Variants in HRC observed in about 807,000 individuals in gnomAD.
The protein encoded by HRC is histidine rich calcium binding protein, also known as sarcoplasmic reticulum histidine-rich calcium-binding protein.
Under a neutral mutation model 61.4 loss-of-function variants are expected in HRC, and 41 were observed. The ratio of observed to expected loss-of-function variants is 0.67; its 90% CI spans 0.52 to 0.87. HRC has a LOEUF of 0.87. HRC is among the 40% of genes least tolerant of loss of function. The pLI is 0.00. For missense variants in HRC, 839 were observed against 885.8 expected (o/e 0.95, Z 0.67); for synonymous variants, 308 against 326.6 (o/e 0.94, Z 0.62).
chr19:49,152,243 G>A, intron 3 of HRC, 67 bp downstream of exon 3: 5 of 1,441,388 alleles, frequency 3.5e-6, no homozygotes, highest in South Asian at 2.3e-5. Flanking sequence ...TTAGGGCTGG[G>A]GGTCCTCAGA....
chr19:49,152,413 C>CT, intron 2 of HRC, 35 bp from the exon 3 acceptor site: 2 of 1,593,256 alleles, frequency 1.3e-6, no homozygotes, highest in Non-Finnish European at 8.6e-7. Context: ...GATGGAAACT[C>CT]TAACGCCACT....
At position 49,153,001 on chromosome 19, in the gene HRC, G is replaced by A. The variant is rs531340062; in HGVS notation, c.1902+260C>T. Among the ~76,000 whole-genome samples, 4 of 151,724 alleles carry A rather than the reference G, an allele frequency of 2.6e-5. No individual in the cohort carries two copies. The highest frequency in any genetic ancestry group is 2.1e-4 in the South Asian group (1 of 4,798). ...CCCCTGTGCCATCCCTCCTTCCCCC[G>A]ACTCTCTTTGCCACAGACCCCTGTC... On this transcript the variant is annotated intron_variant, in intron 2 of 5. Coordinates refer to ENST00000252825, the MANE Select transcript of HRC (RefSeq NM_002152.3). The surrounding 1 kb of genome is among the most constrained non-coding windows in gnomAD (Gnocchi z 4.8).
chr19:49,152,592 C>T (rs1016132324), intron 2 of HRC, among the ~76,000 whole-genome samples: 1 of 146,528 alleles, frequency 6.8e-6, no homozygotes, highest in South Asian at 2.2e-4. Context: ...TTTCTTGAGG[C>T]GGAGTCTCTC....
In HRC at chr19:49,155,363, G is replaced by T; in HGVS notation, c.-126C>A. 1 of 1,330,802 alleles carries T rather than the reference G, an allele frequency of 7.5e-7. No homozygotes were observed. The highest frequency in any genetic ancestry group is 9.9e-7 in the Non-Finnish European group (1 of 1,005,922). 82.4% of individuals were successfully genotyped at this position (1,330,802 alleles called of 1,614,324 possible). On this transcript the variant is annotated 5_prime_UTR_variant, in exon 1 of 6. Transcript: ENST00000252825. The surrounding 1 kb of genome is among the most constrained non-coding windows in gnomAD (Gnocchi z 4.7). ...TCTCTCCTTTGTCCTTTCGGTCTCT[G>T]TCCACCTTCCTCTGGTCCTTGCTGC...
rs2122690314 is a variant in HRC at position 49,154,158 on chromosome 19, T to G, written c.1080A>C (p.Glu360Asp). 1 of 1,614,130 alleles carries G rather than the reference T, an allele frequency of 6.2e-7. No individual in the cohort carries two copies. Among genetic ancestry groups the G allele is most frequent in the East Asian group, 2.2e-5 (1 of 44,882 alleles). ...DEEEDEDVST[E>D]RWHQGPQHVH... ...CATGTTGGGGACCCTGGTGCCAACG[T>G]TCAGTGGACACATCCTCATCTTCTT... Residue 360 changes from glutamate (E) to aspartate (D), a missense_variant, in exon 1 of 6, where the codon GAA becomes GAC. Glu to Asp is a conservative substitution (Grantham distance 45). Transcript: ENST00000252825.
rs369298815 is a variant in HRC, at chr19:49,153,602, C to T, written c.1636G>A (p.Glu546Lys). 11 of 1,371,838 alleles carry T rather than the reference C, an allele frequency of 8.0e-6. No individual in the cohort carries two copies. The highest frequency in any genetic ancestry group is 1.2e-5 in the South Asian group (1 of 80,088). 85.0% of individuals were successfully genotyped at this position (1,371,838 alleles called of 1,614,324 possible). A position where few individuals can be genotyped will look rare whatever the true frequency, so the allele number is the denominator to read the frequency against. Reference protein sequence around the residue: ...EEEDKEEEEEEEDEERREERA... With the variant: ...EEEDKEEEEEKEDEERREERA... Reference sequence around the variant, plus strand: ...TCTTCCCTCCTCTCCTCGTCTTCTTCCTCCTCCTCCTCCTCCTTGTCTTCC... The same window carrying T: ...TCTTCCCTCCTCTCCTCGTCTTCTTTCTCCTCCTCCTCCTCCTTGTCTTCC... The change falls in exon 1 of 6, where the codon GAA becomes AAA. Residue 546 changes from glutamate (E) to lysine (K), a missense_variant. Transcript: ENST00000252825. This position sits in a 1 kb window ranked among gnomAD's most constrained non-coding sequence, Gnocchi z 4.8.
At position 49,154,761 on chromosome 19, in the gene HRC, G is replaced by A. The variant is rs748126883; in HGVS notation, c.477C>T (p.Ser159=). The A allele has an allele frequency of 1.9e-6, 3 of 1,613,958 alleles. No homozygotes were observed. The South Asian group carries it at 3.3e-5, about 18-fold the overall frequency. ...CTTCATCCTCATCCTCGTCTTGATGGCTGTGGCTCCTGTGGCTGGGGAGGT... is the reference window on the plus strand; with the variant it reads ...CTTCATCCTCATCCTCGTCTTGATGACTGTGGCTCCTGTGGCTGGGGAGGT... ...RHHLPSHRSH[S]HQDEDEDEVV... Residue 159 remains serine, a synonymous_variant, in exon 1 of 6, where the codon AGC becomes AGT. Transcript: ENST00000252825.
intron 2 of HRC, among the ~76,000 whole-genome samples, chr19:49,152,866 C>G (rs910213236): frequency 6.6e-6 from 1 of 152,104 alleles, no homozygotes; most frequent in African/African-American, 2.4e-5. Flanking sequence ...CCACCACACC[C>G]GGCCCTGCCC....
At position 49,154,286 on chromosome 19, in the gene HRC, C is replaced by G; in HGVS notation, c.952G>C (p.Ala318Pro). ...TTTCTGTGGTCTTGGTGCCTGTGGG[C>G]CTGGTGTCCATACTCAGTGGAGACA... ...DDVSTEYGHQAHRHQDHRKEE... is the reference protein window; with the variant it reads ...DDVSTEYGHQPHRHQDHRKEE... Residue 318 changes from alanine (A) to proline (P), a missense_variant, in exon 1 of 6, where the codon GCC becomes CCC. Ala to Pro is a conservative substitution (Grantham distance 27, BLOSUM62 -1). Coordinates refer to ENST00000252825, the MANE Select transcript of HRC (RefSeq NM_002152.3). The G allele has an allele frequency of 6.2e-7, 1 of 1,613,500 alleles. No homozygotes were observed.
Position 49,155,142 on chromosome 19 carries a change from CCCT to C in HRC, c.93_95del (p.Gly32del), listed in dbSNP as rs746108572. On this transcript the variant is annotated inframe_deletion, in exon 1 of 6. Coordinates refer to ENST00000252825, the MANE Select transcript of HRC (RefSeq NM_002152.3). The surrounding 1 kb of genome is among the most constrained non-coding windows in gnomAD (Gnocchi z 4.7). Reference sequence around the variant, plus strand: ...TCCGGTTTCTGAAGCCTAGCCCATCCCCTCTGAGCTGCTGGGTCATGGCCGGGG... The same window carrying C: ...TCCGGTTTCTGAAGCCTAGCCCATCCCTGAGCTGCTGGGTCATGGCCGGGG... The C allele has an allele frequency of 1.5e-5, 24 of 1,613,886 alleles. No individual in the cohort carries two copies. In the South Asian group the frequency reaches 2.6e-4, roughly 18 times the overall value.
rs200943615 is a variant in HRC, at chr19:49,153,899, C to T, written c.1339G>A (p.Asp447Asn). 2.7e-5 allele frequency: 43 copies of T among 1,614,142 alleles called. No individual in the cohort carries two copies. The highest frequency in any genetic ancestry group is 3.5e-5 in the Non-Finnish European group (41 of 1,180,032). The change falls in exon 1 of 6, where the codon GAT becomes AAT. Residue 447 changes from aspartate to asparagine, a missense_variant. Coordinates refer to ENST00000252825, the MANE Select transcript of HRC (RefSeq NM_002152.3). This position sits in a 1 kb window ranked among gnomAD's most constrained non-coding sequence, Gnocchi z 4.8. ...CTTTGACCATGGCCAGTTTCTTCAT[C>T]TTGGTGGCTTTGCCTGTGGCTGGGG... ...QAPSHRQSHQDEETGHGQRGS... is the reference protein window; with the variant it reads ...QAPSHRQSHQNEETGHGQRGS...
intron 5 of HRC, 62 bp downstream of exon 5, chr19:49,151,455 T>A (rs2041357700): frequency 5.6e-6 from 9 of 1,595,704 alleles, no homozygotes; most frequent in Non-Finnish European, 7.7e-6. Flanking sequence ...ATCTGATAAC[T>A]CATAGCGAGA....
chr19:49,151,260 G>T lies in HRC; in HGVS notation c.*36C>A, dbSNP rs1444010943. The stretch of plus-strand genomic sequence containing the variant: ...CTCGTGGAAAGGGGTTGGAAGGCAG[G>T]GGGAGGTACACCTGCGTCGCAGTCG... On this transcript the variant is annotated 3_prime_UTR_variant, in exon 6 of 6. Transcript: ENST00000252825. The T allele has an allele frequency of 2.0e-6, 3 of 1,520,436 alleles. No homozygotes were observed. Among genetic ancestry groups the T allele is most frequent in the Non-Finnish European group, 1.8e-6 (2 of 1,126,142 alleles). The allele number at this position is 1,520,436 out of a possible 1,614,324, so 94.2% of individuals were successfully genotyped here.
chr19:49,154,618 G>A lies in HRC; in HGVS notation c.620C>T (p.Thr207Ile). ...CCTGTGGGCCTGGTGTCCATACTCA[G>A]TGGAGGCCTCCTCTTCCTCCTCCTC... Reference protein sequence around the residue: ...EEEEEEEEASTEYGHQAHRHR... With the variant: ...EEEEEEEEASIEYGHQAHRHR... The change falls in exon 1 of 6, where the codon ACT becomes ATT. Residue 207 changes from threonine (T) to isoleucine (I), a missense_variant. By Grantham distance (89) the Thr-to-Ile change is moderately conservative. Transcript: ENST00000252825. 1 of 1,601,470 alleles carries A rather than the reference G, an allele frequency of 6.2e-7. No homozygotes were observed. The highest frequency in any genetic ancestry group is 8.5e-7 in the Non-Finnish European group (1 of 1,171,818).
rs978559436 is a variant in HRC, at chr19:49,153,104, A to G, written c.1902+157T>C. On this transcript the variant is annotated intron_variant, in intron 2 of 5. Coordinates refer to ENST00000252825, the MANE Select transcript of HRC (RefSeq NM_002152.3). This position sits in a 1 kb window ranked among gnomAD's most constrained non-coding sequence, Gnocchi z 4.8. ...CCACTGCCCCAGCCTCCCAGCCTTC[A>G]GTCTGTCCTCACCTCACATGCCTGC... is the stretch of plus-strand genomic sequence containing the variant. Among the ~76,000 whole-genome samples the G allele has an allele frequency of 1.3e-5, 2 of 151,292 alleles. No homozygotes were observed. The highest frequency in any genetic ancestry group is 3.0e-5 in the Non-Finnish European group (2 of 67,702).
chr19:49,152,148 C>T (rs1448329757), intron 3 of HRC, 90 bp from the exon 4 acceptor site: 18 of 1,321,534 alleles, frequency 1.4e-5, no homozygotes, highest in Non-Finnish European at 1.9e-5. Flanking sequence ...GGACCAGAGG[C>T]TAGGTCTAGG....
In HRC at chr19:49,152,162, AGGTT is replaced by A. The variant is rs1317061920; in HGVS notation, c.1972-108_1972-105del. 2.6e-5 allele frequency: 34 copies of A among 1,303,232 alleles called. No individual in the cohort carries two copies. In the Admixed American group the frequency reaches 4.4e-4, roughly 17 times the overall value. The allele number at this position is 1,303,232 out of a possible 1,614,324, so 80.7% of individuals were successfully genotyped here. A position where few individuals can be genotyped will look rare whatever the true frequency, so the allele number is the denominator to read the frequency against. On this transcript the variant is annotated intron_variant, in intron 3 of 5. Coordinates refer to ENST00000252825, the MANE Select transcript of HRC (RefSeq NM_002152.3). The stretch of plus-strand genomic sequence containing the variant: ...CGGACCAGAGGCTAGGTCTAGGTTA[AGGTT>A]GGAGTCAGGATCGCTTGTGGAGTCA...
chr19:49,151,866 G>T (rs2041362923), intron 4 of HRC, 138 bp downstream of exon 4: 1 of 821,958 alleles, frequency 1.2e-6, no homozygotes, highest in East Asian at 2.7e-5. Context: ...CCCGGCCCAC[G>T]TGCTCAGAGC....
At chr19:49,151,495 C>T (rs1171240189) in intron 5 of HRC, 22 bp downstream of exon 5, 1 of 1,612,714 alleles carries the variant, frequency 6.2e-7, no homozygotes, top group South Asian at 1.1e-5. Context: ...GGCTTTTACA[C>T]GCTCCCCTTT....
Sources: gnomAD v4.1 joint callset for allele counts (sites outside exome capture counted in the v4.1 genomes callset) on GRCh38, gnomAD v4.1.1 for gene constraint, Gnocchi (gnomAD v3.1) non-coding constraint, MANE v1.5 for transcripts, NCBI Gene and HGNC (gene_info 2026-07-23, HGNC 2026-07-21) for gene names.